The following ANKRD30BL variants were observed in gnomAD, a reference collection of about 807,000 sequenced individuals.
The protein encoded by ANKRD30BL is ankyrin repeat domain 30B like.
Under a neutral mutation model 18.4 loss-of-function variants are expected in ANKRD30BL, and 20 were observed. That is an observed-to-expected ratio of 1.09 (90% CI 0.77 to 1.58). ANKRD30BL has a LOEUF of 1.58. Among genes scored for constraint, ANKRD30BL ranks in the 40% most tolerant of loss-of-function variants. The pLI is 0.00. For synonymous variants in ANKRD30BL, 72 were observed against 100.9 expected, an observed-to-expected ratio of 0.71 and a Z score of 1.72; for missense variants, 224 against 268.6, an observed-to-expected ratio of 0.83 and a Z score of 1.16.
intron 1 of ANKRD30BL, among the ~76,000 whole-genome samples, chr2:132,235,098 C>G (rs1176169146): frequency 6.6e-6 from 1 of 152,174 alleles, no homozygotes; most frequent in Non-Finnish European, 1.5e-5. Flanking sequence ...ACATGATTAT[C>G]TCAATAGATG....
At chr2:132,217,944 A>G (rs62165481) in intron 1 of ANKRD30BL, among the ~76,000 whole-genome samples, 1 of 151,710 alleles carries the variant, frequency 6.6e-6, no homozygotes, top group Non-Finnish European at 1.5e-5. Context: ...AAACGGGTAT[A>G]TCTTCACATA....
chr2:132,161,501 C>T lies in ANKRD30BL; in HGVS notation c.205G>A (p.Asp69Asn). The change falls in exon 1 of 6, where the codon GAT becomes AAT. Residue 69 changes from aspartate (D) to asparagine (N), a missense_variant. Asp to Asn is a conservative substitution (Grantham distance 23). Transcript: ENST00000409867. ...AGGGCCTGGTACCTCTTCTTCGCAT[C>T]TCTTATGTTCAGGTCCATTGTCGTC... ...KKTTMDLNIR[D>N]AKKRTALYWA... is the part of the protein sequence containing the mutation. The T allele has an allele frequency of 1.4e-6, 2 of 1,456,630 alleles. No homozygotes were observed. The highest frequency in any genetic ancestry group is 2.5e-5 in the East Asian group (1 of 40,414). The allele number at this position is 1,456,630 out of a possible 1,614,324, so 90.2% of individuals were successfully genotyped here.
At chr2:132,197,275 T>A (rs1445513998) in intron 1 of ANKRD30BL, among the ~76,000 whole-genome samples, 1 of 152,104 alleles carries the variant, frequency 6.6e-6, no homozygotes, top group African/African-American at 2.4e-5. Context: ...GGACTCTGAG[T>A]TTTAGTGTTT....
At chr2:132,224,895 A>C (rs373710781) in intron 1 of ANKRD30BL, among the ~76,000 whole-genome samples, 8 of 152,044 alleles carry the variant, frequency 5.3e-5, no homozygotes, top group Middle Eastern at 6.8e-3. Context: ...CTTGCTTTTC[A>C]TAGAGCAGGT....
chr2:132,168,748 G>A (rs1336688154), intron 1 of ANKRD30BL, among the ~76,000 whole-genome samples: 1 of 152,018 alleles, frequency 6.6e-6, no homozygotes, highest in Non-Finnish European at 1.5e-5. Flanking sequence ...GACACACACA[G>A]AGAAAGTGTA....
chr2:132,198,487 C>G (rs1195753269), intron 1 of ANKRD30BL, among the ~76,000 whole-genome samples: 9 of 151,772 alleles, frequency 5.9e-5, no homozygotes, highest in Non-Finnish European at 1.0e-4. Flanking sequence ...CCATGCCCCG[C>G]TAATTTTTTG....
chr2:132,218,034 G>C (rs954562880), intron 1 of ANKRD30BL, among the ~76,000 whole-genome samples: 13 of 148,274 alleles, frequency 8.8e-5, no homozygotes, highest in African/African-American at 3.0e-4. Context: ...TCTTTTGATA[G>C]AGCAGTTTAG....
intron 1 of ANKRD30BL, among the ~76,000 whole-genome samples, chr2:132,245,462 G>T (rs796512619): frequency 6.6e-6 from 1 of 151,126 alleles, no homozygotes; most frequent in African/African-American, 2.4e-5. Flanking sequence ...AAACTAGACA[G>T]AAGCATTCTC....
intron 1 of ANKRD30BL, among the ~76,000 whole-genome samples, chr2:132,240,553 C>T (rs1473801176): frequency 6.6e-6 from 1 of 151,860 alleles, no homozygotes; most frequent in Non-Finnish European, 1.5e-5. Context: ...ACTCAACTCA[C>T]AGAATTGAAC....
chr2:132,214,353 A>G (rs1367379710), intron 1 of ANKRD30BL, among the ~76,000 whole-genome samples: 1 of 152,008 alleles, frequency 6.6e-6, no homozygotes, highest in Non-Finnish European at 1.5e-5. Flanking sequence ...AGACAGAGGC[A>G]TTCTGAGAAA....
In ANKRD30BL at chr2:132,150,962, A is replaced by G; in HGVS notation, c.629T>C (p.Leu210Pro). 1 of 615,520 alleles carries G rather than the reference A, an allele frequency of 1.6e-6. No homozygotes were observed. The highest frequency in any genetic ancestry group is 1.8e-5 in the South Asian group (1 of 55,350). The allele number at this position is 615,520 out of a possible 1,614,324, so 38.1% of individuals were successfully genotyped here. The change falls in exon 5 of 6, where the codon CTT becomes CCT. Residue 210 changes from leucine (L) to proline (P), a missense_variant. Leu to Pro is a moderately conservative substitution (Grantham distance 98). Transcript: ENST00000409867. Reference protein sequence around the residue: ...VDKFKCVHQQLLEYKQKISKN... With the variant: ...VDKFKCVHQQPLEYKQKISKN... ...AGATATCTTTTGTTTATATTCCAAA[A>G]GTTGTTGATGAACGCTATGTATAAA...
intron 1 of ANKRD30BL, among the ~76,000 whole-genome samples, chr2:132,171,117 T>A (rs527625834): frequency 2.2e-4 from 32 of 147,366 alleles, no homozygotes; most frequent in Non-Finnish European, 4.7e-4. Context: ...ATCGCACCAC[T>A]GTACTCCAGC....
At chr2:132,240,434 A>G (rs1334620721) in intron 1 of ANKRD30BL, among the ~76,000 whole-genome samples, 2 of 151,666 alleles carry the variant, frequency 1.3e-5, no homozygotes, top group African/African-American at 2.4e-5. Flanking sequence ...CTTTTTGTAG[A>G]ATCTATAAGG....
Position 132,207,515 on chromosome 2 carries a change from C to T in ANKRD30BL, n.441+50014G>A, listed in dbSNP as rs539014269. On this transcript the variant is annotated intron_variant and non_coding_transcript_variant, in intron 1 of 4. Coordinates refer to the ANKRD30BL transcript ENST00000470729. ...TCGGACCAAACCATAAGGTCCTCCA[C>T]GTGAATTGGTAGAAGTATTTTTTAC... Among the ~76,000 whole-genome samples, 93 of 151,150 alleles carry T rather than the reference C, an allele frequency of 6.2e-4. 3 individuals are homozygous for T. Among genetic ancestry groups the T allele is most frequent in the Non-Finnish European group, 2.8e-4 (19 of 67,820 alleles).
In ANKRD30BL at chr2:132,196,755, C is replaced by T. The variant is rs867145071; in HGVS notation, n.442-39609G>A. Among the ~76,000 whole-genome samples, 623 of 150,626 alleles carry T rather than the reference C, an allele frequency of 4.1e-3. 3 individuals carry two copies. Among genetic ancestry groups the T allele is most frequent in the African/African-American group, 0.014 (565 of 41,072 alleles). On this transcript the variant is annotated intron_variant and non_coding_transcript_variant, in intron 1 of 4. Transcript: ENST00000470729. Reference sequence around the variant, plus strand: ...CCAGGAGTAGGAGGTTGCAGTGAACCGAGATCATGCCACTGCACTTCAGCC... The same window carrying T: ...CCAGGAGTAGGAGGTTGCAGTGAACTGAGATCATGCCACTGCACTTCAGCC...
At chr2:132,233,823 G>A (rs2104786063) in intron 1 of ANKRD30BL, among the ~76,000 whole-genome samples, 2 of 151,162 alleles carry the variant, frequency 1.3e-5, no homozygotes, top group South Asian at 4.2e-4. Context: ...ACTCAGCTCT[G>A]CACCAAGTGG....
At chr2:132,232,343 T>C (rs983128286) in intron 1 of ANKRD30BL, among the ~76,000 whole-genome samples, 8 of 152,168 alleles carry the variant, frequency 5.3e-5, no homozygotes, top group African/African-American at 1.9e-4. Context: ...GAGAATGACT[T>C]TGACGAGCTG....
At chr2:132,180,889 T>A (rs993342599) in intron 1 of ANKRD30BL, among the ~76,000 whole-genome samples, 2 of 152,152 alleles carry the variant, frequency 1.3e-5, no homozygotes, top group Non-Finnish European at 2.9e-5. Flanking sequence ...GGCTTATGCC[T>A]GTAATCCCAG....
chr2:132,234,241 T>C (rs879809895), intron 1 of ANKRD30BL, among the ~76,000 whole-genome samples: 2 of 151,908 alleles, frequency 1.3e-5, no homozygotes, highest in Non-Finnish European at 1.5e-5. Context: ...GAAGAAAAGA[T>C]AAAAAATTGA....
Sources: gnomAD v4.1 joint callset for allele counts (sites outside exome capture counted in the v4.1 genomes callset) on GRCh38, gnomAD v4.1.1 for gene constraint, MANE v1.5 for transcripts, NCBI Gene and HGNC (gene_info 2026-07-23, HGNC 2026-07-21) for gene names.